Variants in EP300 observed in about 807,000 individuals in gnomAD.
EP300 encodes the protein EP300 lysine acetyltransferase, also known as histone acetyltransferase p300.
In EP300, 31 loss-of-function variants were observed where a neutral mutation model predicts 264.0. The ratio of observed to expected loss-of-function variants is 0.12; its 90% CI spans 0.09 to 0.16. The LOEUF (loss-of-function observed/expected upper bound fraction) is 0.16, where lower values mean the gene tolerates loss of function less well. EP300 is among the 10% of genes least tolerant of loss of function. The pLI, the probability that EP300 is intolerant of heterozygous loss-of-function variation, is 1.00. For missense variants in EP300, 2,766 were observed against 3,052.9 expected, an observed-to-expected ratio of 0.91 and a Z score of 2.21; for synonymous variants, 1,340 against 1,045.4, an observed-to-expected ratio of 1.28 and a Z score of -5.44.
At chr22:41,145,946 T>G (rs1456972078) in intron 10 of EP300, among the ~76,000 whole-genome samples, 1 of 152,138 alleles carries the variant, frequency 6.6e-6, no homozygotes, top group African/African-American at 2.4e-5. Context: ...ATTTCTGTTT[T>G]TGTATTTAAG....
chr22:41,134,055 G>C (rs566605324), intron 6 of EP300, among the ~76,000 whole-genome samples: 49 of 151,998 alleles, frequency 3.2e-4, no homozygotes, highest in African/African-American at 1.2e-3. Flanking sequence ...TTAGACAGTT[G>C]TGCTAATGCT....
chr22:41,122,333 T>A (rs1318487552), intron 2 of EP300, among the ~76,000 whole-genome samples: 1 of 151,962 alleles, frequency 6.6e-6, no homozygotes, highest in Non-Finnish European at 1.5e-5. Flanking sequence ...GCCCAGATAA[T>A]TTTTGTATTA....
At chr22:41,143,249 C>G (rs926376159) in intron 10 of EP300, among the ~76,000 whole-genome samples, 3 of 151,946 alleles carry the variant, frequency 2.0e-5, no homozygotes, top group African/African-American at 4.8e-5. Context: ...CTTAGGAGTT[C>G]AGAACCAGCC....
chr22:41,158,619 T>G (rs908285257), intron 19 of EP300, 119 bp downstream of exon 19: 7 of 792,486 alleles, frequency 8.8e-6, no homozygotes, highest in Non-Finnish European at 1.5e-5. Flanking sequence ...GACAGCTGTA[T>G]AGCACAAGTT....
At chr22:41,161,330 A>C (rs1380621213) in intron 20 of EP300, among the ~76,000 whole-genome samples, 1 of 152,208 alleles carries the variant, frequency 6.6e-6, no homozygotes, top group Non-Finnish European at 1.5e-5. Flanking sequence ...TAATAGTTTA[A>C]TCTCTGGCCA....
chr22:41,145,742 T>C (rs2059007089), intron 10 of EP300, among the ~76,000 whole-genome samples: 1 of 152,104 alleles, frequency 6.6e-6, no homozygotes, highest in African/African-American at 2.4e-5. Flanking sequence ...GTTCACGCCA[T>C]TCTCCTGCCT....
At chr22:41,115,305 G>A (rs2058814794) in intron 1 of EP300, among the ~76,000 whole-genome samples, 1 of 152,170 alleles carries the variant, frequency 6.6e-6, no homozygotes, top group Non-Finnish European at 1.5e-5. Context: ...AAGACCAGGA[G>A]TCTCCTAATG....
At chr22:41,116,265 G>A (rs897423577) in intron 1 of EP300, among the ~76,000 whole-genome samples, 2 of 151,634 alleles carry the variant, frequency 1.3e-5, no homozygotes, top group African/African-American at 4.9e-5. Flanking sequence ...TGTGCAGAAC[G>A]TGCAGGTTTG....
At position 41,178,269 on chromosome 22, in the gene EP300, G is replaced by A. The variant is rs375241990; in HGVS notation, c.6558G>A (p.Gln2186=). The A allele has an allele frequency of 1.9e-6, 3 of 1,613,918 alleles. No individual in the cohort carries two copies. Among genetic ancestry groups the A allele is most frequent in the Non-Finnish European group, 1.7e-6 (2 of 1,180,014 alleles). Reference sequence around the variant, plus strand: ...AATTCCGAGACATCTTGAGACGACAGCAAATGATGCAACAGCAGCAGCAAC... The same window carrying A: ...AATTCCGAGACATCTTGAGACGACAACAAATGATGCAACAGCAGCAGCAAC... ...PSQFRDILRR[Q]QMMQQQQQQG... The change falls in exon 31 of 31, where the codon CAG becomes CAA. Residue 2186 remains glutamine (Q), a synonymous_variant. Coordinates refer to ENST00000263253, the MANE Select transcript of EP300 (RefSeq NM_001429.4).
At chr22:41,146,053 C>T (rs1004470692) in intron 10 of EP300, among the ~76,000 whole-genome samples, 3 of 152,008 alleles carry the variant, frequency 2.0e-5, no homozygotes, top group Non-Finnish European at 4.4e-5. Flanking sequence ...TGATCAAATT[C>T]GGCCACCATT....
At chr22:41,111,354 T>TA (rs1372558778) in intron 1 of EP300, among the ~76,000 whole-genome samples, 1 of 152,250 alleles carries the variant, frequency 6.6e-6, no homozygotes, top group Non-Finnish European at 1.5e-5. Context: ...ATATTTATGG[T>TA]ATAACCAGTC....
rs537998592 is a variant in EP300, at chr22:41,177,744, A to G, written c.6033A>G (p.Pro2011=). 1.2e-6 allele frequency: 2 copies of G among 1,613,906 alleles called. No individual in the cohort carries two copies. Among genetic ancestry groups the G allele is most frequent in the South Asian group, 1.1e-5 (1 of 91,086 alleles). ...CCCAGCAACTACAGTCTGGGATGCCAAGGCCAGCCATGATGTCAGTGGCCC... is the reference window on the plus strand; with the variant it reads ...CCCAGCAACTACAGTCTGGGATGCCGAGGCCAGCCATGATGTCAGTGGCCC... ...PQPQQLQSGM[P]RPAMMSVAQH... is the part of the protein sequence containing the mutation. Residue 2011 remains proline (P), a synonymous_variant, in exon 31 of 31, where the codon CCA becomes CCG. Coordinates refer to ENST00000263253, the MANE Select transcript of EP300 (RefSeq NM_001429.4).
At chr22:41,167,582 G>GTATATA (rs1191403968) in intron 23 of EP300, among the ~76,000 whole-genome samples, 3 of 21,676 alleles carry the variant, frequency 1.4e-4, no homozygotes, top group South Asian at 1.5e-3. Context: ...GTGTGTGTGT[G>GTATATA]TGTATATATA....
Position 41,141,168 on chromosome 22 carries a change from G to A in EP300, c.1999G>A (p.Val667Ile). 2 of 1,614,220 alleles carry A rather than the reference G, an allele frequency of 1.2e-6. No individual in the cohort carries two copies. The highest frequency in any genetic ancestry group is 1.7e-6 in the Non-Finnish European group (2 of 1,180,052). The change falls in exon 10 of 31, where the codon GTT becomes ATT. Residue 667 changes from valine to isoleucine, a missense_variant. Transcript: ENST00000263253. Reference protein sequence around the residue: ...MLPNAAGMVPVSMNPGPNMGQ... With the variant: ...MLPNAAGMVPISMNPGPNMGQ... The stretch of plus-strand genomic sequence containing the variant: ...ACCAAATGCTGCAGGCATGGTTCCA[G>A]TTTCCATGAATCCAGGGCCTAACAT...
At position 41,178,962 on chromosome 22, in the gene EP300, C is replaced by A. The variant is rs544616799; in HGVS notation, c.*6C>A. 6.2e-7 allele frequency: 1 copy of A among 1,601,708 alleles called. No homozygotes were observed. Among genetic ancestry groups the A allele is most frequent in the East Asian group, 2.2e-5 (1 of 44,860 alleles). On this transcript the variant is annotated 3_prime_UTR_variant, in exon 31 of 31. Transcript: ENST00000263253. ...GTACACTAGACATACACTAGAGACA[C>A]CTTGTAGTATTTTGGGAGCAAAAAA...
rs1192680933 is a variant in EP300 at position 41,148,153 on chromosome 22, G to A, written c.2241+207G>A. Among the ~76,000 whole-genome samples, 55 of 152,162 alleles carry A rather than the reference G, an allele frequency of 3.6e-4. 1 individual carries two copies. Among genetic ancestry groups the A allele is most frequent in the Admixed American group, 3.6e-3 (55 of 15,270 alleles). Reference sequence around the variant, plus strand: ...TGTCCCTGGAGTGTCAGTGTTTAGTGGCCTGCATGCGTTTTCACGGTCACT... The same window carrying A: ...TGTCCCTGGAGTGTCAGTGTTTAGTAGCCTGCATGCGTTTTCACGGTCACT... On this transcript the variant is annotated intron_variant, in intron 12 of 30. Transcript: ENST00000263253.
intron 1 of EP300, among the ~76,000 whole-genome samples, chr22:41,102,774 A>G (rs1271629273): frequency 6.6e-6 from 1 of 152,224 alleles, no homozygotes; most frequent in Non-Finnish European, 1.5e-5. Context: ...GTGACTGATT[A>G]GAAGTTAGGT....
intron 10 of EP300, among the ~76,000 whole-genome samples, chr22:41,144,900 A>G (rs1259098490): frequency 6.8e-6 from 1 of 147,170 alleles, no homozygotes; most frequent in Admixed American, 6.7e-5. Context: ...GGCTGCTTTA[A>G]AAAAAAAAGG....
intron 10 of EP300, among the ~76,000 whole-genome samples, chr22:41,144,867 G>C (rs952791905): frequency 6.6e-6 from 1 of 151,916 alleles, no homozygotes; most frequent in African/African-American, 2.4e-5. Context: ...AGAAGATTTT[G>C]CATTTAAAAA....
Sources: gnomAD v4.1 joint callset for allele counts (sites outside exome capture counted in the v4.1 genomes callset) on GRCh38, gnomAD v4.1.1 for gene constraint, MANE v1.5 for transcripts, NCBI Gene and HGNC (gene_info 2026-07-23, HGNC 2026-07-21) for gene names.